The following SEMA3C variants were observed in gnomAD, a reference collection of about 807,000 sequenced individuals.
SEMA3C encodes the protein semaphorin-3C.
Under a neutral mutation model 89.4 loss-of-function variants are expected in SEMA3C, and 47 were observed. The ratio of observed to expected loss-of-function variants is 0.53; its 90% CI spans 0.42 to 0.67. The LOEUF is 0.67. Among genes scored for constraint, SEMA3C ranks in the 30% least tolerant of loss-of-function variants. SEMA3C has a pLI of 0.00. For synonymous variants in SEMA3C, 310 were observed against 320.2 expected (o/e 0.97, Z 0.34); for missense variants, 839 against 929.1 (o/e 0.90, Z 1.26).
chr7:80,800,501 T>C (rs112265392), intron 10 of SEMA3C, among the ~76,000 whole-genome samples: 11 of 152,304 alleles, frequency 7.2e-5, no homozygotes, highest in African/African-American at 2.6e-4. Context: ...TTTTCCTACA[T>C]TATAATTCAT....
chr7:80,868,861 G>A (rs900791590), intron 2 of SEMA3C, among the ~76,000 whole-genome samples: 7 of 152,056 alleles, frequency 4.6e-5, no homozygotes, highest in Admixed American at 1.3e-4. Flanking sequence ...AAACATTTTA[G>A]AAAACAATTT....
At chr7:80,887,012 T>C (rs1008340147) in intron 2 of SEMA3C, among the ~76,000 whole-genome samples, 52 of 152,190 alleles carry the variant, frequency 3.4e-4, no homozygotes, top group African/African-American at 1.1e-3. Flanking sequence ...TAATATGTTA[T>C]ATAAATTAAA....
chr7:80,832,581 T>C (rs1489330336), intron 2 of SEMA3C, among the ~76,000 whole-genome samples: 2 of 152,022 alleles, frequency 1.3e-5, no homozygotes, highest in African/African-American at 2.4e-5. Context: ...GCACGGCTAC[T>C]GAAAAAGGCT....
chr7:80,865,947 A>G (rs1790917053), intron 2 of SEMA3C, among the ~76,000 whole-genome samples: 1 of 152,150 alleles, frequency 6.6e-6, no homozygotes, highest in Non-Finnish European at 1.5e-5. Flanking sequence ...TATAGTTAAC[A>G]ACAGTAAATA....
chr7:80,776,570 T>G (rs1270614803), intron 12 of SEMA3C, among the ~76,000 whole-genome samples: 1 of 152,220 alleles, frequency 6.6e-6, no homozygotes, highest in African/African-American at 2.4e-5. Context: ...CTTTCCTTAT[T>G]TGTCTCTTCA....
chr7:80,898,952 AC>A (rs1158264548), intron 2 of SEMA3C, among the ~76,000 whole-genome samples: 1 of 152,176 alleles, frequency 6.6e-6, no homozygotes, highest in African/African-American at 2.4e-5. Context: ...ACCTCAACAT[AC>A]ACACCTATGT....
rs1475579070 is a variant in SEMA3C at position 80,767,781 on chromosome 7, GAGTAATACT to G, written c.1355-2547_1355-2539del. ...ACTTTACAACCAGAAATCATTTAGT[GAGTAATACT>G]ATAAATTTCAAATCTCACATCTCAA... On this transcript the variant is annotated intron_variant, in intron 12 of 17. Coordinates refer to ENST00000265361, the MANE Select transcript of SEMA3C (RefSeq NM_006379.5). 4.7e-5 allele frequency among the ~76,000 whole-genome samples: 7 copies of G among 150,012 alleles called. No homozygotes were observed. The Admixed American group carries it at 4.7e-4, about 10-fold the overall frequency.
intron 2 of SEMA3C, among the ~76,000 whole-genome samples, chr7:80,913,022 C>T (rs1223438675): frequency 6.6e-6 from 1 of 152,178 alleles, no homozygotes; most frequent in African/African-American, 2.4e-5. Flanking sequence ...CTTTCATTTA[C>T]ATACTATCAA....
chr7:80,899,320 T>C (rs58614985), intron 2 of SEMA3C, among the ~76,000 whole-genome samples: 7,964 of 152,260 alleles, frequency 0.052, 568 homozygotes, highest in East Asian at 0.15. Context: ...GGATTACAGG[T>C]GTGAGCCACT....
At chr7:80,772,882 T>C (rs1220498471) in intron 12 of SEMA3C, among the ~76,000 whole-genome samples, 1 of 152,010 alleles carries the variant, frequency 6.6e-6, no homozygotes, top group Non-Finnish European at 1.5e-5. Context: ...TTTCTCAGAG[T>C]CTGGCTTTCA....
intron 12 of SEMA3C, among the ~76,000 whole-genome samples, chr7:80,787,957 T>C (rs566005509): frequency 1.3e-5 from 2 of 152,256 alleles, no homozygotes; most frequent in East Asian, 1.9e-4. Context: ...ATAACAAATG[T>C]AGTAGCACAT....
intron 2 of SEMA3C, among the ~76,000 whole-genome samples, chr7:80,859,718 T>C (rs1790725948): frequency 6.6e-6 from 1 of 152,152 alleles, no homozygotes; most frequent in South Asian, 2.1e-4. Flanking sequence ...CAGCCTCCAT[T>C]TAGCTGTCTT....
In SEMA3C at chr7:80,804,233, T is replaced by C. The variant is rs746223937; in HGVS notation, c.674A>G (p.Asp225Gly). The change falls in exon 8 of 18, where the codon GAT (aspartate) becomes GGT (glycine). Residue 225 changes from aspartate to glycine, a missense_variant. Coordinates refer to ENST00000265361, the MANE Select transcript of SEMA3C (RefSeq NM_006379.5). Reference sequence around the variant, plus strand: ...AGTACCATCTGGGATGACATGTGCATCTACAAACATAGGTTCTAGAAAAAA... The same window carrying C: ...AGTACCATCTGGGATGACATGTGCACCTACAAACATAGGTTCTAGAAAAAA... ...SKWLSEPMFV[D>G]AHVIPDGTDP... 6 of 1,600,626 alleles carry C rather than the reference T, an allele frequency of 3.7e-6. No homozygotes were observed. In the African/African-American group the frequency reaches 6.7e-5, roughly 18 times the overall value.
intron 2 of SEMA3C, among the ~76,000 whole-genome samples, chr7:80,890,290 G>A (rs1391044451): frequency 6.6e-6 from 1 of 152,132 alleles, no homozygotes; most frequent in African/African-American, 2.4e-5. Context: ...AGGAAGCTGA[G>A]GGTCTTCCAA....
chr7:80,904,083 C>T (rs561387912), intron 2 of SEMA3C, among the ~76,000 whole-genome samples: 1 of 152,160 alleles, frequency 6.6e-6, no homozygotes, highest in East Asian at 1.9e-4. Context: ...CTCTGTTGTC[C>T]AGGCTAGAGT....
chr7:80,802,640 A>AT, intron 9 of SEMA3C, 25 bp downstream of exon 9: 1 of 1,489,548 alleles, frequency 6.7e-7, no homozygotes, highest in Non-Finnish European at 9.3e-7. Context: ...TTTCAGAAGC[A>AT]TTTTTCAATC....
chr7:80,744,871 C>G lies in SEMA3C; in HGVS notation c.*23G>C, dbSNP rs1787762743. Reference sequence around the variant, plus strand: ...AAGACAGAGCATTTGTTAATGGAAGCATAAGACCCACATAAGAAAATATTA... The same window carrying G: ...AAGACAGAGCATTTGTTAATGGAAGGATAAGACCCACATAAGAAAATATTA... On this transcript the variant is annotated 3_prime_UTR_variant, in exon 18 of 18. Coordinates refer to ENST00000265361, the MANE Select transcript of SEMA3C (RefSeq NM_006379.5). 1 of 1,612,732 alleles carries G rather than the reference C, an allele frequency of 6.2e-7. No individual in the cohort carries two copies. Among genetic ancestry groups the G allele is most frequent in the Non-Finnish European group, 8.5e-7 (1 of 1,179,078 alleles).
chr7:80,753,362 C>T (rs949545468), intron 15 of SEMA3C, among the ~76,000 whole-genome samples: 1 of 152,258 alleles, frequency 6.6e-6, no homozygotes, highest in Admixed American at 6.5e-5. Context: ...ATCATGAGAG[C>T]GTTTTCAGCC....
intron 2 of SEMA3C, among the ~76,000 whole-genome samples, chr7:80,863,594 T>C (rs1790826898): frequency 6.6e-6 from 1 of 151,250 alleles, no homozygotes; most frequent in Non-Finnish European, 1.5e-5. Context: ...ATTGCAAAAT[T>C]GGGGAACCAA....
Sources: allele counts gnomAD v4.1 joint callset (sites outside exome capture counted in the v4.1 genomes callset), GRCh38; gene constraint gnomAD v4.1.1; transcripts MANE v1.5; gene names NCBI Gene and HGNC (gene_info 2026-07-23, HGNC 2026-07-21).